EPB41L5: variants seen among roughly 807,000 people sequenced by gnomAD.
EPB41L5 encodes erythrocyte membrane protein band 4.1 like 5, also known as band 4.1-like protein 5.
In EPB41L5, 55 loss-of-function variants were observed where a neutral mutation model predicts 106.6. That is an observed-to-expected ratio of 0.52 (90% CI 0.42 to 0.65). The LOEUF (loss-of-function observed/expected upper bound fraction) is 0.65, where lower values mean the gene tolerates loss of function less well. Among genes scored for constraint, EPB41L5 ranks in the 30% least tolerant of loss-of-function variants. The pLI, the probability that EPB41L5 is intolerant of heterozygous loss-of-function variation, is 0.00. For synonymous variants in EPB41L5, 297 were observed against 306.7 expected, an observed-to-expected ratio of 0.97 and a Z score of 0.33; for missense variants, 871 against 882.1, an observed-to-expected ratio of 0.99 and a Z score of 0.16.
At chr2:120,147,809 A>G (rs1273880619) in intron 20 of EPB41L5, among the ~76,000 whole-genome samples, 2 of 152,178 alleles carry the variant, frequency 1.3e-5, no homozygotes, top group Non-Finnish European at 2.9e-5. Flanking sequence ...GAAGCTGGAA[A>G]GAGCCTAGAG....
At position 120,077,094 on chromosome 2, in the gene EPB41L5, A is replaced by G; in HGVS notation, c.626+3A>G. The G allele has an allele frequency of 6.2e-7, 1 of 1,609,346 alleles. No individual in the cohort carries two copies. The highest frequency in any genetic ancestry group is 8.5e-7 in the Non-Finnish European group (1 of 1,178,232). On this transcript the variant is annotated splice_donor_region_variant and intron_variant, in intron 8 of 24. Transcript: ENST00000263713. ...TTTGAGAAATGGAAGGAATACAGGT[A>G]TCTGGCGTTTGACCATACTTTCTTT...
In EPB41L5 at chr2:120,160,970, T is replaced by G. The variant is rs1453379113; in HGVS notation, c.1883T>G (p.Leu628Arg). The part of the protein sequence containing the change: ...LITPADSGSV[L>R]KEATDELDAL... ...ACACCTGCCGACAGTGGTTCTGTTC[T>G]AAAGGTAAGAATACTTTTACTTCTT... The change falls in exon 21 of 25, where the codon CTA becomes CGA. Residue 628 changes from leucine (L) to arginine (R), a missense_variant. By Grantham distance (102) the Leu-to-Arg change is moderately radical (BLOSUM62 -2). Transcript: ENST00000263713. 1 of 1,612,590 alleles carries G rather than the reference T, an allele frequency of 6.2e-7. No individual in the cohort carries two copies. Among genetic ancestry groups the G allele is most frequent in the Non-Finnish European group, 8.5e-7 (1 of 1,178,698 alleles).
At chr2:120,157,328 A>G (rs1686943391) in intron 20 of EPB41L5, among the ~76,000 whole-genome samples, 1 of 152,168 alleles carries the variant, frequency 6.6e-6, no homozygotes. Context: ...TGCCCACATC[A>G]AAAAGTTAGA....
rs1574735205 is a variant in EPB41L5 at position 120,135,600 on chromosome 2, G to A, written c.1599+3885G>A. 2.0e-5 allele frequency among the ~76,000 whole-genome samples: 3 copies of A among 152,222 alleles called. No homozygotes were observed. The East Asian group carries it at 5.8e-4, about 29-fold the overall frequency. On this transcript the variant is annotated intron_variant, in intron 18 of 24. Coordinates refer to ENST00000263713, the MANE Select transcript of EPB41L5 (RefSeq NM_020909.4). ...TCAGTGTTAAAGAATCCTAAAAGCA[G>A]CAAGAGAAAAGAAACAAACAACATA...
intron 10 of EPB41L5, among the ~76,000 whole-genome samples, chr2:120,080,186 G>A (rs1395604328): frequency 4.6e-5 from 7 of 151,028 alleles, no homozygotes; most frequent in African/African-American, 1.7e-4. Flanking sequence ...GTATACATGC[G>A]CCAAGTTGGT....
chr2:120,111,802 G>A (rs192778336), intron 16 of EPB41L5, among the ~76,000 whole-genome samples: 3 of 152,178 alleles, frequency 2.0e-5, no homozygotes, highest in East Asian at 1.9e-4. Context: ...ACCTGCCAGC[G>A]TCCTTGTCTC....
intron 19 of EPB41L5, 44 bp downstream of exon 19, chr2:120,143,175 A>G (rs1350397844): frequency 1.3e-6 from 2 of 1,523,788 alleles, no homozygotes; most frequent in Admixed American, 2.2e-5. Context: ...TGAAATGAGC[A>G]TGGGATGTAG....
chr2:120,047,098 G>A (rs924564764), intron 3 of EPB41L5, among the ~76,000 whole-genome samples: 1 of 152,156 alleles, frequency 6.6e-6, no homozygotes, highest in Non-Finnish European at 1.5e-5. Flanking sequence ...GTAGCATGAT[G>A]CCTTCAGCTT....
At chr2:120,063,528 CT>C (rs1681222763) in intron 3 of EPB41L5, among the ~76,000 whole-genome samples, 1 of 152,030 alleles carries the variant, frequency 6.6e-6, no homozygotes, top group Admixed American at 6.6e-5. Context: ...CATATTACCC[CT>C]ATAGAGTGTA....
intron 3 of EPB41L5, among the ~76,000 whole-genome samples, 192 bp from the exon 4 acceptor site, chr2:120,072,986 A>G (rs1460484697): frequency 1.3e-5 from 2 of 151,228 alleles, no homozygotes; most frequent in African/African-American, 2.4e-5. Flanking sequence ...CGTGTGTCAT[A>G]AGCTTGCTAT....
intron 16 of EPB41L5, among the ~76,000 whole-genome samples, chr2:120,109,033 T>C (rs1011231490): frequency 6.6e-6 from 1 of 152,220 alleles, no homozygotes; most frequent in Non-Finnish European, 1.5e-5. Flanking sequence ...TATTGATATC[T>C]CTTTTTTTGA....
At chr2:120,146,527 C>T (rs529123205) in intron 20 of EPB41L5, among the ~76,000 whole-genome samples, 1 of 152,296 alleles carries the variant, frequency 6.6e-6, no homozygotes, top group South Asian at 2.1e-4. Context: ...AGAGCAGAAA[C>T]CGTCTTAAAG....
chr2:120,129,792 G>C (rs1311679640), intron 17 of EPB41L5, among the ~76,000 whole-genome samples: 1 of 152,174 alleles, frequency 6.6e-6, no homozygotes, highest in Non-Finnish European at 1.5e-5. Flanking sequence ...TTGCAAGTAT[G>C]GGGAAATAGA....
intron 3 of EPB41L5, among the ~76,000 whole-genome samples, chr2:120,054,515 GAA>G (rs986675693): frequency 6.9e-5 from 2 of 29,156 alleles, no homozygotes; most frequent in African/African-American, 2.5e-4. Context: ...TTTTTTTTGA[GAA>G]AGAGTCTCAC....
At chr2:120,057,826 A>C (rs1680762069) in intron 3 of EPB41L5, among the ~76,000 whole-genome samples, 1 of 152,142 alleles carries the variant, frequency 6.6e-6, no homozygotes, top group Non-Finnish European at 1.5e-5. Context: ...TGGTTAAAAA[A>C]GTGACAATTT....
At chr2:120,077,501 A>T (rs2105329505) in intron 9 of EPB41L5, among the ~76,000 whole-genome samples, 185 bp downstream of exon 9, 1 of 152,366 alleles carries the variant, frequency 6.6e-6, no homozygotes, top group East Asian at 1.9e-4. Context: ...AAGGTTCATT[A>T]TAAGAAAGAA....
chr2:120,072,187 G>A lies in EPB41L5; in HGVS notation c.286-991G>A, dbSNP rs1042120443. On this transcript the variant is annotated intron_variant, in intron 3 of 24. Transcript: ENST00000263713. ...GGCCAGCAAACACATGAAAAAAAGC[G>A]CATCATCACTGGTTATTAGAGAAAT... 5.3e-5 allele frequency among the ~76,000 whole-genome samples: 8 copies of A among 152,152 alleles called. 1 individual carries two copies. Among genetic ancestry groups the A allele is most frequent in the East Asian group, 1.9e-4 (1 of 5,184 alleles).
intron 18 of EPB41L5, among the ~76,000 whole-genome samples, chr2:120,141,827 G>T (rs931923654): frequency 7.2e-5 from 11 of 152,046 alleles, no homozygotes; most frequent in Non-Finnish European, 1.6e-4. Context: ...CTTTTTAATG[G>T]CCTCAGGGAA....
chr2:120,164,045 C>T (rs574000493), intron 21 of EPB41L5, among the ~76,000 whole-genome samples: 1,543 of 122,808 alleles, frequency 0.013, 13 homozygotes, highest in Admixed American at 0.019. Flanking sequence ...TGCAGTGGCG[C>T]GATCTCGGCT....
Sources: gnomAD v4.1 joint callset for allele counts (sites outside exome capture counted in the v4.1 genomes callset) on GRCh38, gnomAD v4.1.1 for gene constraint, MANE v1.5 for transcripts, NCBI Gene and HGNC (gene_info 2026-07-23, HGNC 2026-07-21) for gene names.